CD22: variants seen among roughly 807,000 people sequenced by gnomAD.
CD22 encodes B-cell receptor CD22.
Under a neutral mutation model 94.7 loss-of-function variants are expected in CD22, and 51 were observed. The ratio of observed to expected loss-of-function variants is 0.54; its 90% CI spans 0.43 to 0.68. The LOEUF (loss-of-function observed/expected upper bound fraction) is 0.68, where lower values mean the gene tolerates loss of function less well. CD22 is among the 30% of genes least tolerant of loss of function. The probability of loss-of-function intolerance (pLI) is 0.00; values close to 1 mark genes in which losing one functional copy is unlikely to be tolerated. For synonymous variants in CD22, 424 were observed against 422.5 expected (o/e 1.00, Z -0.04); for missense variants, 931 against 1,060.4 (o/e 0.88, Z 1.69).
At chr19:35,343,212 C>T (rs1379775487) in intron 9 of CD22, among the ~76,000 whole-genome samples, 12 of 151,940 alleles carry the variant, frequency 7.9e-5, no homozygotes, top group Admixed American at 7.9e-4. Flanking sequence ...GATACTCCTG[C>T]CTCGGCCTCC....
intron 3 of CD22, among the ~76,000 whole-genome samples, chr19:35,333,352 A>T (rs2066672770): frequency 6.6e-6 from 1 of 151,814 alleles, no homozygotes; most frequent in South Asian, 2.1e-4. Flanking sequence ...TGCATCGCTC[A>T]CCCCAAACTT....
At position 35,344,100 on chromosome 19, in the gene CD22, G is replaced by A. The variant is rs530843122; in HGVS notation, c.2036-729G>A. 2.0e-5 allele frequency among the ~76,000 whole-genome samples: 3 copies of A among 152,346 alleles called. No homozygotes were observed. The East Asian group carries it at 5.8e-4, about 29-fold the overall frequency. ...AGTCCCAACTACTCGGGAGGCTGAGGCAGGAGAATCGCTTGAACCCGGGAG... is the reference window on the plus strand; with the variant it reads ...AGTCCCAACTACTCGGGAGGCTGAGACAGGAGAATCGCTTGAACCCGGGAG... On this transcript the variant is annotated intron_variant, in intron 9 of 13. Coordinates refer to ENST00000085219, the MANE Select transcript of CD22 (RefSeq NM_001771.4).
In CD22 at chr19:35,338,340, C is replaced by A; in HGVS notation, c.1158C>A (p.Ile386=). The change falls in exon 6 of 14, where the codon ATC becomes ATA. Residue 386 remains isoleucine (I), a synonymous_variant. Coordinates refer to ENST00000085219, the MANE Select transcript of CD22 (RefSeq NM_001771.4). ...AGGAGAAAGTCCACATCCCAAAGAT[C>A]CTCCCCTGGCACGCTGGGACTTATT... ...RTEEKVHIPK[I]LPWHAGTYSC... 1.9e-6 allele frequency: 3 copies of A among 1,614,218 alleles called. No homozygotes were observed. The highest frequency in any genetic ancestry group is 2.5e-6 in the Non-Finnish European group (3 of 1,180,032).
Position 35,334,178 on chromosome 19 carries a change from G to A in CD22, c.412+1254G>A, listed in dbSNP as rs1291816156. On this transcript the variant is annotated intron_variant, in intron 3 of 13. Coordinates refer to ENST00000085219, the MANE Select transcript of CD22 (RefSeq NM_001771.4). Reference sequence around the variant, plus strand: ...AGGTGACCTCCCGATCGTCAAAGCTGTTGTGCCCCTCGGCTCATCAAATTT... The same window carrying A: ...AGGTGACCTCCCGATCGTCAAAGCTATTGTGCCCCTCGGCTCATCAAATTT... 3.3e-5 allele frequency among the ~76,000 whole-genome samples: 5 copies of A among 152,178 alleles called. No individual in the cohort carries two copies. In the East Asian group the frequency reaches 9.6e-4, roughly 29 times the overall value.
At position 35,341,639 on chromosome 19, in the gene CD22, G is replaced by A; in HGVS notation, c.1771+33G>A. The A allele has an allele frequency of 6.2e-7, 1 of 1,607,668 alleles. No homozygotes were observed. Among genetic ancestry groups the A allele is most frequent in the Non-Finnish European group, 8.5e-7 (1 of 1,175,588 alleles). ...AGGGCCGGAGGCTGGGAGTGGAGCA[G>A]AGAAGGGACCAGTGGCCTGCCTGGT... On this transcript the variant is annotated intron_variant, in intron 8 of 13. Transcript: ENST00000085219. This position sits in a 1 kb window ranked among gnomAD's most constrained non-coding sequence, Gnocchi z 4.0.
intron 10 of CD22, 37 bp from the exon 11 acceptor site, chr19:35,345,014 A>C: frequency 1.2e-6 from 2 of 1,605,232 alleles, no homozygotes; most frequent in Non-Finnish European, 1.7e-6. Context: ...CAGCCTGTGG[A>C]GTCCCTGACC....
rs1481898779 is a variant in CD22 at position 35,341,715 on chromosome 19, G to C, written c.1785G>C (p.Arg595Ser). Residue 595 changes from arginine to serine, a missense_variant, in exon 9 of 14, where the codon AGG becomes AGC. Physicochemically the swap from Arg to Ser is moderately radical, Grantham distance 110. Coordinates refer to ENST00000085219, the MANE Select transcript of CD22 (RefSeq NM_001771.4). This position sits in a 1 kb window ranked among gnomAD's most constrained non-coding sequence, Gnocchi z 4.0. ...CCCGCCATGCAGATGCACCCAGGAGGCTGCGTGTGTCCATGAGCCCGGGGG... is the reference window on the plus strand; with the variant it reads ...CCCGCCATGCAGATGCACCCAGGAGCCTGCGTGTGTCCATGAGCCCGGGGG... ...WTLEVLYAPRRLRVSMSPGDQ... is the reference protein window; with the variant it reads ...WTLEVLYAPRSLRVSMSPGDQ... 6.2e-7 allele frequency: 1 copy of C among 1,610,364 alleles called. No homozygotes were observed. Among genetic ancestry groups the C allele is most frequent in the African/African-American group, 1.3e-5 (1 of 74,916 alleles).
At chr19:35,335,053 G>T (rs923335610) in intron 3 of CD22, among the ~76,000 whole-genome samples, 2 of 140,358 alleles carry the variant, frequency 1.4e-5, no homozygotes, top group South Asian at 4.7e-4. Context: ...ACTCCAGTCC[G>T]GGCGACAGAG....
At chr19:35,335,064 C>CGAGACT (rs1181364586) in intron 3 of CD22, among the ~76,000 whole-genome samples, 1 of 113,112 alleles carries the variant, frequency 8.8e-6, no homozygotes, top group African/African-American at 3.6e-5. Flanking sequence ...GGCGACAGAG[C>CGAGACT]GAGACTCTGT....
rs1283352027 is a variant in CD22, at chr19:35,340,959, A to G, written c.1328A>G (p.Asn443Ser). ...GGAGACACAGTGACCCTTTCCTGTA[A>G]CTACAATTCCAGTAACCCCAGTGTT... ...REGDTVTLSC[N>S]YNSSNPSVTR... Residue 443 changes from asparagine (N) to serine (S), a missense_variant, in exon 7 of 14, where the codon AAC (asparagine) becomes AGC (serine). Asn to Ser is a conservative substitution (Grantham distance 46). Transcript: ENST00000085219. 1.2e-6 allele frequency: 2 copies of G among 1,614,214 alleles called. No individual in the cohort carries two copies. The highest frequency in any genetic ancestry group is 2.2e-5 in the East Asian group (1 of 44,884).
At chr19:35,344,334 C>T (rs1036604440) in intron 9 of CD22, among the ~76,000 whole-genome samples, 1 of 152,240 alleles carries the variant, frequency 6.6e-6, no homozygotes. Flanking sequence ...ATCCCCTTTG[C>T]AGACAGCCTG....
At chr19:35,346,100 A>T (rs1171042160) in intron 12 of CD22, 51 bp from the exon 13 acceptor site, 1 of 1,375,170 alleles carries the variant, frequency 7.3e-7, no homozygotes, top group South Asian at 1.2e-5. Context: ...GAGGGAGGAG[A>T]GTTCGTGGGA....
At position 35,338,171 on chromosome 19, in the gene CD22, C is replaced by T. The variant is rs1204929934; in HGVS notation, c.989C>T (p.Ala330Val). ...SEEVFLQVQYAPEPSTVQILH... is the reference protein window; with the variant it reads ...SEEVFLQVQYVPEPSTVQILH... Reference sequence around the variant, plus strand: ...TCGCCTCTGCCCCCTCTTCCAGATGCCCCGGAACCTTCCACGGTTCAGATC... The same window carrying T: ...TCGCCTCTGCCCCCTCTTCCAGATGTCCCGGAACCTTCCACGGTTCAGATC... The change falls in exon 6 of 14, where the codon GCC (alanine) becomes GTC (valine). Residue 330 changes from alanine (A) to valine (V), a missense_variant. Physicochemically the swap from Ala to Val is moderately conservative, Grantham distance 64. Coordinates refer to ENST00000085219, the MANE Select transcript of CD22 (RefSeq NM_001771.4). 2.4e-5 allele frequency: 38 copies of T among 1,609,062 alleles called. No individual in the cohort carries two copies. Among genetic ancestry groups the T allele is most frequent in the Non-Finnish European group, 3.1e-5 (37 of 1,177,024 alleles).
rs993096709 is a variant in CD22 at position 35,337,120 on chromosome 19, T to C, written c.719-635T>C. Among the ~76,000 whole-genome samples the C allele has an allele frequency of 3.3e-5, 5 of 152,022 alleles. No homozygotes were observed. The highest frequency in any genetic ancestry group is 1.2e-4 in the African/African-American group (5 of 41,400). Reference sequence around the variant, plus strand: ...CAGGCATGATGGCAGGCGCCTGTAGTCCCAGCTACTTGGGAGGCCAAGGCA... The same window carrying C: ...CAGGCATGATGGCAGGCGCCTGTAGCCCCAGCTACTTGGGAGGCCAAGGCA... On this transcript the variant is annotated intron_variant, in intron 4 of 13. Coordinates refer to ENST00000085219, the MANE Select transcript of CD22 (RefSeq NM_001771.4). This position sits in a 1 kb window ranked among gnomAD's most constrained non-coding sequence, Gnocchi z 4.4.
chr19:35,344,776 G>A, intron 9 of CD22, 53 bp from the exon 10 acceptor site: 4 of 1,370,892 alleles, frequency 2.9e-6, no homozygotes, highest in Middle Eastern at 2.0e-4. Flanking sequence ...GGCAAAGGCT[G>A]CCAGGGAGAG....
At chr19:35,335,407 A>AG (rs762478049) in intron 3 of CD22, among the ~76,000 whole-genome samples, 41 of 151,646 alleles carry the variant, frequency 2.7e-4, no homozygotes, top group Non-Finnish European at 4.0e-4. Flanking sequence ...TGTTTAAAAA[A>AG]CTAGCTAGGT....
Position 35,332,828 on chromosome 19 carries a change from A to G in CD22, c.316A>G (p.Ile106Val). ...GDKNKNCTLSIHPVHLNDSGQ... is the reference protein window; with the variant it reads ...GDKNKNCTLSVHPVHLNDSGQ... ...CAAGAATAAGAACTGCACACTGAGT[A>G]TCCACCCGGTGCACCTCAATGACAG... The change falls in exon 3 of 14, where the codon ATC (isoleucine) becomes GTC (valine). Residue 106 changes from isoleucine to valine, a missense_variant. By Grantham distance (29) the Ile-to-Val change is conservative. Coordinates refer to ENST00000085219, the MANE Select transcript of CD22 (RefSeq NM_001771.4). 3 of 1,614,188 alleles carry G rather than the reference A, an allele frequency of 1.9e-6. No homozygotes were observed. The highest frequency in any genetic ancestry group is 2.5e-6 in the Non-Finnish European group (3 of 1,180,010).
chr19:35,338,503 G>C, intron 6 of CD22, 72 bp downstream of exon 6: 1 of 1,507,286 alleles, frequency 6.6e-7, no homozygotes, highest in South Asian at 1.3e-5. Flanking sequence ...CAGATGGGGT[G>C]CAGGGCATTC....
intron 3 of CD22, among the ~76,000 whole-genome samples, chr19:35,333,898 A>C (rs953533371): frequency 2.0e-5 from 3 of 152,146 alleles, no homozygotes; most frequent in African/African-American, 7.2e-5. Context: ...TTTTCCAGTG[A>C]AATCTCCCAG....
Sources: gnomAD v4.1 joint callset for allele counts (sites outside exome capture counted in the v4.1 genomes callset) on GRCh38, gnomAD v4.1.1 for gene constraint, Gnocchi (gnomAD v3.1) non-coding constraint, MANE v1.5 for transcripts, NCBI Gene and HGNC (gene_info 2026-07-23, HGNC 2026-07-21) for gene names.